The following LAMC2 variants were observed in gnomAD, a reference collection of about 807,000 sequenced individuals.
LAMC2 encodes laminin subunit gamma 2.
A neutral mutation model predicts 140.2 loss-of-function variants in LAMC2; 97 were observed. The ratio of observed to expected loss-of-function variants is 0.69; its 90% CI spans 0.59 to 0.82. The LOEUF (loss-of-function observed/expected upper bound fraction) is 0.82, where lower values mean the gene tolerates loss of function less well. Among genes scored for constraint, LAMC2 ranks in the 40% least tolerant of loss-of-function variants. LAMC2 has a pLI of 0.00. For missense variants in LAMC2, 1,402 were observed against 1,476.1 expected (o/e 0.95, Z 0.82); for synonymous variants, 513 against 540.2 (o/e 0.95, Z 0.70).
the LAMC2 span, among the ~76,000 whole-genome samples, chr1:183,256,802 T>A: frequency 6.6e-6 from 1 of 152,084 alleles, no homozygotes; most frequent in African/African-American, 2.4e-5. Context: ...CAGGCTGGAG[T>A]GCAGCAGCGC....
intron 7 of LAMC2, among the ~76,000 whole-genome samples, chr1:183,225,093 A>G (rs566718517): frequency 1.3e-5 from 2 of 152,242 alleles, no homozygotes; most frequent in Admixed American, 6.5e-5. Context: ...AGAACAGCAC[A>G]GGGGCTGGTG....
chr1:183,235,475 T>G, intron 15 of LAMC2, 100 bp from the exon 16 acceptor site: 1 of 1,329,514 alleles, frequency 7.5e-7, no homozygotes, highest in Non-Finnish European at 1.1e-6. Context: ...TTTTTCTAAA[T>G]CAGACCAGCT....
At position 183,226,793 on chromosome 1, in the gene LAMC2, T is replaced by C. The variant is rs745932420; in HGVS notation, c.1162T>C (p.Tyr388His). Reference sequence around the variant, plus strand: ...TGAACAGTGTATATGTCCTGTTGGGTACAAGGGGCAATTCTGCCAGGATTG... The same window carrying C: ...TGAACAGTGTATATGTCCTGTTGGGCACAAGGGGCAATTCTGCCAGGATTG... ...WVEQCICPVG[Y>H]KGQFCQDCAS... The change falls in exon 9 of 23, where the codon TAC becomes CAC. Residue 388 changes from tyrosine to histidine, a missense_variant. By Grantham distance (83) the Tyr-to-His change is moderately conservative (BLOSUM62 2). Transcript: ENST00000264144. The C allele has an allele frequency of 1.9e-6, 3 of 1,614,152 alleles. No homozygotes were observed. The highest frequency in any genetic ancestry group is 2.5e-6 in the Non-Finnish European group (3 of 1,180,018).
rs1658671052 is a variant in LAMC2, at chr1:183,200,426, TAG to T, written c.80-7453_80-7452del. 2.6e-5 allele frequency among the ~76,000 whole-genome samples: 4 copies of T among 152,118 alleles called. No individual in the cohort carries two copies. The South Asian group carries it at 8.3e-4, about 31-fold the overall frequency. On this transcript the variant is annotated intron_variant, in intron 1 of 22. Coordinates refer to ENST00000264144, the MANE Select transcript of LAMC2 (RefSeq NM_005562.3). ...GAACATTAGAAAGAGGACCTGCTTA[TAG>T]AAACACAATCATATGTATGCCAAGT...
chr1:183,187,434 A>T (rs652753), intron 1 of LAMC2, among the ~76,000 whole-genome samples: 86,378 of 151,518 alleles, frequency 0.57, 25,376 homozygotes, highest in East Asian at 0.73. Context: ...TTGTCTAAAA[A>T]AGTCTTGGAA....
chr1:183,242,537 C>T (rs1004777763), intron 22 of LAMC2, among the ~76,000 whole-genome samples: 8 of 152,146 alleles, frequency 5.3e-5, no homozygotes, highest in Non-Finnish European at 1.2e-4. Context: ...CTTGAACAAA[C>T]GTGATTTTAT....
At chr1:183,225,797 A>G in intron 8 of LAMC2, 77 bp downstream of exon 8, 1 of 946,250 alleles carries the variant, frequency 1.1e-6, no homozygotes, top group Non-Finnish European at 1.7e-6. Context: ...AGGTGGCGGC[A>G]GTCTCCAAAC....
At chr1:183,257,972 G>C in the LAMC2 span, among the ~76,000 whole-genome samples, 1 of 152,102 alleles carries the variant, frequency 6.6e-6, no homozygotes, top group East Asian at 1.9e-4. Flanking sequence ...GTTTTAATGG[G>C]AGCAATTATT....
Position 183,243,187 on chromosome 1 carries a change from G to A in LAMC2, c.3369G>A (p.Leu1123=). The change falls in exon 23 of 23, where the codon CTG becomes CTA. Residue 1123 remains leucine (L), a synonymous_variant. Coordinates refer to ENST00000264144, the MANE Select transcript of LAMC2 (RefSeq NM_005562.3). ...LSVDEEGLVL[L]EQKLSRAKTQ... Reference sequence around the variant, plus strand: ...TAGATGAAGAGGGGCTGGTCTTACTGGAGCAGAAGCTTTCCCGAGCCAAGA... The same window carrying A: ...TAGATGAAGAGGGGCTGGTCTTACTAGAGCAGAAGCTTTCCCGAGCCAAGA... 1 of 1,588,020 alleles carries A rather than the reference G, an allele frequency of 6.3e-7. No individual in the cohort carries two copies. The highest frequency in any genetic ancestry group is 1.4e-5 in the African/African-American group (1 of 69,262).
At chr1:183,256,582 T>C in the LAMC2 span, among the ~76,000 whole-genome samples, 1 of 152,230 alleles carries the variant, frequency 6.6e-6, no homozygotes, top group African/African-American at 2.4e-5. Context: ...TTCAGTCTAT[T>C]TATGTGATGT....
chr1:183,245,971 C>T (rs907072468), downstream of LAMC2, among the ~76,000 whole-genome samples: 2 of 152,106 alleles, frequency 1.3e-5, no homozygotes, highest in Admixed American at 6.5e-5. Flanking sequence ...AGATTGAGAC[C>T]ATCCTTACTA....
chr1:183,235,855 C>T, intron 16 of LAMC2, 125 bp downstream of exon 16: 1 of 930,082 alleles, frequency 1.1e-6, no homozygotes, highest in South Asian at 1.5e-5. Context: ...AATAAGAGGG[C>T]CGAAATCATG....
chr1:183,236,636 C>T (rs773244666), intron 17 of LAMC2, 32 bp downstream of exon 17: 2 of 1,612,230 alleles, frequency 1.2e-6, no homozygotes, highest in Non-Finnish European at 1.7e-6. Flanking sequence ...GCTTGATATA[C>T]AGGAGGGCCA....
At chr1:183,206,961 A>G (rs1658905154) in intron 1 of LAMC2, among the ~76,000 whole-genome samples, 1 of 152,224 alleles carries the variant, frequency 6.6e-6, no homozygotes, top group Non-Finnish European at 1.5e-5. Flanking sequence ...TCATGGAGTG[A>G]GTGATGAAAT....
the LAMC2 span, chr1:183,250,580 A>G: frequency 5.9e-5 from 9 of 152,580 alleles, no homozygotes; most frequent in African/African-American, 1.9e-4. Context: ...GTCAGGCCCT[A>G]CACCTGCTGG....
At chr1:183,235,950 T>C (rs559193395) in intron 16 of LAMC2, among the ~76,000 whole-genome samples, 5 of 152,332 alleles carry the variant, frequency 3.3e-5, no homozygotes, top group Admixed American at 2.6e-4. Context: ...AATGTTTTGA[T>C]TGAGATTACA....
intron 22 of LAMC2, chr1:183,240,759 CTG>C: frequency 7.1e-6 from 7 of 985,762 alleles, no homozygotes; most frequent in Non-Finnish European, 8.8e-6. Flanking sequence ...AACATCACCA[CTG>C]TATATTTCAG....
rs1313302374 is a variant in LAMC2, at chr1:183,231,162, C to T, written c.1857+59C>T. ...ACAGAATCAAATCCTTAAGTGTCCA[C>T]TGGGTGGTTCTGTCACAGATCTAGG... On this transcript the variant is annotated intron_variant, in intron 12 of 22. Transcript: ENST00000264144. 7.0e-5 allele frequency: 112 copies of T among 1,595,760 alleles called. 2 individuals are homozygous for T. In the East Asian group the frequency reaches 2.5e-3, roughly 35 times the overall value.
Position 183,228,590 on chromosome 1 carries a change from T to C in LAMC2, c.1685T>C (p.Leu562Ser), listed in dbSNP as rs1456638241. Reference sequence around the variant, plus strand: ...AAAGCAGGCTACTTCGGGGACCCATTGGCTCCCAACCCAGCAGACAAGTGT... The same window carrying C: ...AAAGCAGGCTACTTCGGGGACCCATCGGCTCCCAACCCAGCAGACAAGTGT... ...QCKAGYFGDP[L>S]APNPADKCRA... is the part of the protein sequence containing the mutation. The change falls in exon 11 of 23, where the codon TTG (leucine) becomes TCG (serine). Residue 562 changes from leucine (L) to serine (S), a missense_variant. Transcript: ENST00000264144. The surrounding 1 kb of genome is among the most constrained non-coding windows in gnomAD (Gnocchi z 4.3). 4 of 1,613,924 alleles carry C rather than the reference T, an allele frequency of 2.5e-6. No homozygotes were observed. Among genetic ancestry groups the C allele is most frequent in the Non-Finnish European group, 3.4e-6 (4 of 1,180,022 alleles).
Sources: allele counts gnomAD v4.1 joint callset (sites outside exome capture counted in the v4.1 genomes callset), GRCh38; gene constraint gnomAD v4.1.1; non-coding constraint Gnocchi (gnomAD v3.1); transcripts MANE v1.5; gene names NCBI Gene and HGNC (gene_info 2026-07-23, HGNC 2026-07-21).